The following SEMA6D variants were observed in gnomAD, a reference collection of about 807,000 sequenced individuals.
SEMA6D encodes the protein semaphorin 6D.
In SEMA6D, 35 loss-of-function variants were observed where a neutral mutation model predicts 106.6. That is an observed-to-expected ratio of 0.33 (90% CI 0.25 to 0.44). SEMA6D has a LOEUF of 0.44. Ranked by LOEUF, SEMA6D falls within the 20% of genes least tolerant of loss-of-function variation. The pLI, the probability that SEMA6D is intolerant of heterozygous loss-of-function variation, is 1.00. For missense variants in SEMA6D, 1,185 were observed against 1,345.9 expected, an observed-to-expected ratio of 0.88 and a Z score of 1.87; for synonymous variants, 499 against 487.7, an observed-to-expected ratio of 1.02 and a Z score of -0.31.
intron 1 of SEMA6D, among the ~76,000 whole-genome samples, chr15:47,257,961 T>C (rs2033893047): frequency 6.6e-6 from 1 of 152,224 alleles, no homozygotes; most frequent in Non-Finnish European, 1.5e-5. Context: ...TTTAGAATCA[T>C]TGTATTTTTA....
chr15:47,731,049 T>C, intron 1 of SEMA6D: 1 of 572,442 alleles, frequency 1.7e-6, no homozygotes, highest in Non-Finnish European at 3.1e-6. Context: ...TGCATGTAGC[T>C]ACCTGTGAAA....
At chr15:47,768,869 C>T (rs1465334421) in intron 18 of SEMA6D, 121 bp downstream of exon 18, 14 of 804,946 alleles carry the variant, frequency 1.7e-5, no homozygotes, top group South Asian at 7.3e-5. Context: ...GTACCTCCAC[C>T]GCCCCTTGCC....
At chr15:47,479,519 C>T (rs1268793766) in intron 3 of SEMA6D, among the ~76,000 whole-genome samples, 1 of 152,182 alleles carries the variant, frequency 6.6e-6, no homozygotes, top group Non-Finnish European at 1.5e-5. Context: ...ATACTACCTA[C>T]TTTATTATCT....
intron 4 of SEMA6D, among the ~76,000 whole-genome samples, chr15:47,657,394 C>T (rs547597636): frequency 1.2e-4 from 18 of 152,158 alleles, no homozygotes; most frequent in African/African-American, 4.1e-4. Context: ...TTCTTCAACT[C>T]GTTTCTACTC....
At chr15:47,285,487 A>C (rs560998192) in intron 1 of SEMA6D, among the ~76,000 whole-genome samples, 1 of 152,252 alleles carries the variant, frequency 6.6e-6, no homozygotes, top group East Asian at 1.9e-4. Flanking sequence ...TTGAAAAAAA[A>C]AAGGGAAGGA....
At chr15:47,450,985 C>T (rs1000860609) in intron 2 of SEMA6D, among the ~76,000 whole-genome samples, 1 of 151,992 alleles carries the variant, frequency 6.6e-6, no homozygotes, top group Non-Finnish European at 1.5e-5. Flanking sequence ...GTCTCCACTT[C>T]CAATCCAGGG....
intron 1 of SEMA6D, among the ~76,000 whole-genome samples, chr15:47,284,264 A>T (rs2035258954): frequency 6.6e-6 from 1 of 152,224 alleles, no homozygotes; most frequent in Non-Finnish European, 1.5e-5. Flanking sequence ...GTGACAGTTA[A>T]ACACTTGTTA....
At chr15:47,447,966 A>T (rs1311812884) in intron 2 of SEMA6D, among the ~76,000 whole-genome samples, 4 of 152,176 alleles carry the variant, frequency 2.6e-5, no homozygotes, top group Non-Finnish European at 5.9e-5. Flanking sequence ...ATTTGGTCAC[A>T]GAAGTTTTCT....
At chr15:47,491,104 G>A (rs1460075536) in intron 3 of SEMA6D, among the ~76,000 whole-genome samples, 3 of 152,090 alleles carry the variant, frequency 2.0e-5, no homozygotes, top group South Asian at 4.1e-4. Context: ...ATACACGTAC[G>A]TACATATAAG....
At chr15:47,428,759 C>G (rs959869530) in intron 2 of SEMA6D, among the ~76,000 whole-genome samples, 1 of 151,598 alleles carries the variant, frequency 6.6e-6, no homozygotes, top group Non-Finnish European at 1.5e-5. Flanking sequence ...GGGTAAGACT[C>G]TGTCAAGGAA....
chr15:47,471,931 T>TCACACA (rs1168586101), intron 3 of SEMA6D, among the ~76,000 whole-genome samples: 13,254 of 121,258 alleles, frequency 0.11, 868 homozygotes, highest in Admixed American at 0.15. Context: ...TCTCTCTCTC[T>TCACACA]CACACACACA....
intron 1 of SEMA6D, among the ~76,000 whole-genome samples, chr15:47,190,442 C>A (rs962500364): frequency 5.3e-5 from 8 of 152,138 alleles, no homozygotes; most frequent in African/African-American, 1.9e-4. Flanking sequence ...ATTGAGGCTT[C>A]TTTTATCTTT....
At chr15:47,518,634 G>A (rs577992342) in intron 3 of SEMA6D, among the ~76,000 whole-genome samples, 5 of 152,210 alleles carry the variant, frequency 3.3e-5, no homozygotes, top group Non-Finnish European at 7.4e-5. Flanking sequence ...TATAGCAAAA[G>A]TACGATCTAA....
chr15:47,240,960 A>G (rs969971454), intron 1 of SEMA6D, among the ~76,000 whole-genome samples: 2 of 152,128 alleles, frequency 1.3e-5, no homozygotes, highest in Non-Finnish European at 2.9e-5. Context: ...AGGTTTTGCT[A>G]TAGTGTCTAT....
chr15:47,411,999 T>G (rs1331200996), intron 1 of SEMA6D, among the ~76,000 whole-genome samples: 2 of 152,074 alleles, frequency 1.3e-5, no homozygotes, highest in Non-Finnish European at 2.9e-5. Flanking sequence ...ACAGCCAAAG[T>G]CTGTGTGCAC....
intron 1 of SEMA6D, among the ~76,000 whole-genome samples, chr15:47,212,578 A>C (rs1365599289): frequency 1.3e-5 from 2 of 152,214 alleles, no homozygotes; most frequent in African/African-American, 2.4e-5. Flanking sequence ...TCTCTTAATA[A>C]TAAAACTATC....
intron 1 of SEMA6D, 58 bp from the exon 2 acceptor site, chr15:47,759,687 A>G (rs1411106025): frequency 6.5e-6 from 5 of 773,296 alleles, no homozygotes; most frequent in Non-Finnish European, 9.0e-6. Flanking sequence ...CTGATTACAA[A>G]CAAGAAAACC....
intron 2 of SEMA6D, among the ~76,000 whole-genome samples, chr15:47,450,748 T>C (rs2140922677): frequency 6.6e-6 from 1 of 152,208 alleles, no homozygotes; most frequent in Admixed American, 6.5e-5. Flanking sequence ...AGGTACAATC[T>C]GGTCCCTTCT....
In SEMA6D at chr15:47,414,397, G is replaced by T. The variant is rs183034622; in HGVS notation, c.-159+1925G>T. Reference sequence around the variant, plus strand: ...TAAATCTTAGATGTCAGAAGGGGCTGAGTTAAACTGAACAGGGCTTTTAAA... The same window carrying T: ...TAAATCTTAGATGTCAGAAGGGGCTTAGTTAAACTGAACAGGGCTTTTAAA... On this transcript the variant is annotated intron_variant, in intron 2 of 19. Coordinates refer to the SEMA6D transcript ENST00000558014. Among the ~76,000 whole-genome samples, 11 of 152,242 alleles carry T rather than the reference G, an allele frequency of 7.2e-5. No individual in the cohort carries two copies. The East Asian group carries it at 2.1e-3, about 29-fold the overall frequency.
Sources: gnomAD v4.1 joint callset for allele counts (sites outside exome capture counted in the v4.1 genomes callset) on GRCh38, gnomAD v4.1.1 for gene constraint, MANE v1.5 for transcripts, NCBI Gene and HGNC (gene_info 2026-07-23, HGNC 2026-07-21) for gene names.